The following PCDH15 variants were observed in gnomAD, a reference collection of about 807,000 sequenced individuals.
PCDH15 encodes protocadherin related 15.
A neutral mutation model predicts 178.5 loss-of-function variants in PCDH15; 129 were observed. The ratio of observed to expected loss-of-function variants is 0.72; its 90% CI spans 0.63 to 0.84. The LOEUF is 0.84. Ranked by LOEUF, PCDH15 falls within the 40% of genes least tolerant of loss-of-function variation. PCDH15 has a pLI of 0.00. For missense variants in PCDH15, 2,230 were observed against 2,099.9 expected (o/e 1.06, Z -1.21); for synonymous variants, 800 against 732.0 (o/e 1.09, Z -1.50).
chr10:54,943,866 A>G (rs1408992333), intron 2 of PCDH15, among the ~76,000 whole-genome samples: 1 of 150,104 alleles, frequency 6.7e-6, no homozygotes, highest in African/African-American at 2.4e-5. Context: ...CTTGGCTAGA[A>G]AAAAAAAAAG....
chr10:55,249,876 AT>A (rs1841788537), intron 1 of PCDH15, among the ~76,000 whole-genome samples: 1 of 152,002 alleles, frequency 6.6e-6, no homozygotes, highest in Non-Finnish European at 1.5e-5. Context: ...GAAAGTGCAG[AT>A]TTTAGACAAA....
intron 17 of PCDH15, among the ~76,000 whole-genome samples, chr10:54,074,094 C>A (rs2094296516): frequency 1.3e-5 from 2 of 152,142 alleles, no homozygotes; most frequent in South Asian, 4.1e-4. Flanking sequence ...TGAAAGTAGA[C>A]AATAAAAATG....
At chr10:55,338,199 T>C (rs72803878) in intron 2 of PCDH15, among the ~76,000 whole-genome samples, 16,562 of 152,124 alleles carry the variant, frequency 0.11, 998 homozygotes, top group East Asian at 0.16. Context: ...TCAAACACTG[T>C]TGGTGGGAAT....
chr10:54,258,122 G>A (rs2057055643), intron 8 of PCDH15, among the ~76,000 whole-genome samples: 1 of 152,050 alleles, frequency 6.6e-6, no homozygotes, highest in African/African-American at 2.4e-5. Context: ...CAATATTTCA[G>A]AGCCATTTCT....
At chr10:54,225,656 G>C (rs1320829172) in intron 9 of PCDH15, among the ~76,000 whole-genome samples, 2 of 152,070 alleles carry the variant, frequency 1.3e-5, no homozygotes, top group East Asian at 3.9e-4. Flanking sequence ...GTGTACTGGG[G>C]TAACCCCTAA....
At chr10:55,477,571 TAAATTTTGGGTGCATGGTAG>T (rs1271680520) in intron 2 of PCDH15, among the ~76,000 whole-genome samples, 3 of 152,082 alleles carry the variant, frequency 2.0e-5, no homozygotes, top group African/African-American at 7.2e-5. Context: ...CTGTGGATTA[TAAATTTTGGGTGCATGGTAG>T]AAACAAAGTG....
chr10:54,240,626 C>CTTTTTTTTTTTTTTTTTTT (rs1228784141), intron 8 of PCDH15, among the ~76,000 whole-genome samples: 2 of 79,662 alleles, frequency 2.5e-5, no homozygotes, highest in Non-Finnish European at 4.5e-5. Flanking sequence ...TTTTCTTTTG[C>CTTTTTTTTTTTTTTTTTTT]TTTTTTTTTT....
Position 54,501,093 on chromosome 10 carries a change from T to A in PCDH15, c.157+26719A>T, listed in dbSNP as rs114214595. On this transcript the variant is annotated intron_variant, in intron 3 of 37. Coordinates refer to ENST00000644397, the MANE Select transcript of PCDH15 (RefSeq NM_001384140.1). ...TCACACAATGGGGCCTGTCAGGGGG[T>A]GGGAGGCAAGGGAAGGGATAGCATT... 9.8e-3 allele frequency among the ~76,000 whole-genome samples: 1,471 copies of A among 150,576 alleles called. 23 individuals are homozygous for A. The highest frequency in any genetic ancestry group is 0.033 in the African/African-American group (1,366 of 40,962).
chr10:53,970,872 T>C (rs537498589), intron 21 of PCDH15, among the ~76,000 whole-genome samples: 2 of 152,322 alleles, frequency 1.3e-5, no homozygotes, highest in African/African-American at 2.4e-5. Context: ...AAAGTGGATC[T>C]GGTACTATTC....
intron 2 of PCDH15, among the ~76,000 whole-genome samples, chr10:55,342,620 T>C (rs1298326126): frequency 6.6e-6 from 1 of 152,102 alleles, no homozygotes; most frequent in Non-Finnish European, 1.5e-5. Flanking sequence ...TTGTTTTAAA[T>C]AGATAACCAG....
chr10:54,894,613 G>T (rs1356971050), intron 3 of PCDH15, among the ~76,000 whole-genome samples: 4 of 152,136 alleles, frequency 2.6e-5, no homozygotes. Context: ...CAAGCACAAT[G>T]TTGAAAGTGA....
chr10:54,179,023 A>T (rs2047718055), intron 13 of PCDH15, among the ~76,000 whole-genome samples: 1 of 152,112 alleles, frequency 6.6e-6, no homozygotes, highest in African/African-American at 2.4e-5. Flanking sequence ...TTCCTCAGGG[A>T]TCTAGAACTA....
chr10:54,144,577 T>C (rs1275432497), intron 14 of PCDH15, among the ~76,000 whole-genome samples: 1 of 152,150 alleles, frequency 6.6e-6, no homozygotes, highest in South Asian at 2.1e-4. Flanking sequence ...ATAATTTTAG[T>C]TGGTCGGGAG....
chr10:55,443,783 G>T (rs966829127), intron 2 of PCDH15, among the ~76,000 whole-genome samples: 7 of 152,052 alleles, frequency 4.6e-5, no homozygotes, highest in Non-Finnish European at 7.4e-5. Context: ...TCCATTACTG[G>T]TTATATACCC....
chr10:53,922,936 A>C (rs2084127546), intron 25 of PCDH15, among the ~76,000 whole-genome samples: 2 of 152,052 alleles, frequency 1.3e-5, no homozygotes, highest in Admixed American at 6.6e-5. Context: ...AAATACAAAA[A>C]ATAAGCCGGG....
At chr10:54,543,715 C>T (rs150090420) in intron 2 of PCDH15, among the ~76,000 whole-genome samples, 2 of 152,216 alleles carry the variant, frequency 1.3e-5, no homozygotes, top group Admixed American at 6.5e-5. Flanking sequence ...CATGTAGCAT[C>T]GCTCTAGAAA....
chr10:55,021,316 C>T (rs1285341051), intron 2 of PCDH15, among the ~76,000 whole-genome samples: 1 of 152,128 alleles, frequency 6.6e-6, no homozygotes, highest in Non-Finnish European at 1.5e-5. Context: ...CATTTAGAAC[C>T]TCACAAAATG....
chr10:55,461,048 T>A (rs907990889), intron 2 of PCDH15, among the ~76,000 whole-genome samples: 2 of 152,128 alleles, frequency 1.3e-5, no homozygotes, highest in African/African-American at 4.8e-5. Flanking sequence ...TTCTCAGCCC[T>A]GTGTTAGCTC....
chr10:55,411,562 T>A (rs573580401), intron 2 of PCDH15, among the ~76,000 whole-genome samples: 19 of 152,274 alleles, frequency 1.2e-4, no homozygotes, highest in Admixed American at 1.0e-3. Flanking sequence ...CCAGTGGCTA[T>A]GAAAATGCAT....
Sources: allele counts gnomAD v4.1 joint callset (sites outside exome capture counted in the v4.1 genomes callset), GRCh38; gene constraint gnomAD v4.1.1; transcripts MANE v1.5; gene names NCBI Gene and HGNC (gene_info 2026-07-23, HGNC 2026-07-21).